The following MDGA2 variants were observed in gnomAD, a reference collection of about 807,000 sequenced individuals.
The protein encoded by MDGA2 is MAM domain containing glycosylphosphatidylinositol anchor 2.
Under a neutral mutation model 117.8 loss-of-function variants are expected in MDGA2, and 40 were observed. The ratio of observed to expected loss-of-function variants is 0.34; its 90% CI spans 0.26 to 0.44. The LOEUF (loss-of-function observed/expected upper bound fraction) is 0.44, where lower values mean the gene tolerates loss of function less well. MDGA2 is among the 20% of genes least tolerant of loss of function. MDGA2 has a pLI of 1.00. For synonymous variants in MDGA2, 452 were observed against 439.0 expected (o/e 1.03, Z -0.37); for missense variants, 1,123 against 1,250.6 (o/e 0.90, Z 1.54).
At chr14:47,059,239 T>C (rs979156785) in intron 7 of MDGA2, 31 of 1,005,626 alleles carry the variant, frequency 3.1e-5, no homozygotes, top group Non-Finnish European at 3.8e-5. Context: ...ATTATAGCAA[T>C]GAGTGATGCA....
chr14:47,609,841 G>C (rs905357066), intron 1 of MDGA2, among the ~76,000 whole-genome samples: 1 of 151,948 alleles, frequency 6.6e-6, no homozygotes, highest in African/African-American at 2.4e-5. Flanking sequence ...GACAGAGACA[G>C]AGGGAACCCT....
chr14:47,528,592 T>C (rs750723475), intron 1 of MDGA2, among the ~76,000 whole-genome samples: 1 of 152,182 alleles, frequency 6.6e-6, no homozygotes, highest in Non-Finnish European at 1.5e-5. Context: ...ACAAAAAGTA[T>C]AGACATATTA....
At chr14:47,508,450 G>C (rs2138687119) in intron 1 of MDGA2, among the ~76,000 whole-genome samples, 1 of 150,294 alleles carries the variant, frequency 6.7e-6, no homozygotes, top group Non-Finnish European at 1.5e-5. Context: ...AAACAGAAGG[G>C]AAAAAAGAAT....
At chr14:47,541,171 A>G (rs1257583464) in intron 1 of MDGA2, among the ~76,000 whole-genome samples, 1 of 152,180 alleles carries the variant, frequency 6.6e-6, no homozygotes, top group Non-Finnish European at 1.5e-5. Flanking sequence ...ATTATTTATG[A>G]TCTCTACTGA....
intron 1 of MDGA2, among the ~76,000 whole-genome samples, chr14:47,345,070 A>G (rs1044112772): frequency 3.3e-5 from 5 of 152,038 alleles, no homozygotes; most frequent in African/African-American, 1.2e-4. Flanking sequence ...TTTTTTTCTC[A>G]CATTTCTCTC....
At chr14:47,018,836 T>C (rs1888181548) in intron 8 of MDGA2, among the ~76,000 whole-genome samples, 1 of 126,556 alleles carries the variant, frequency 7.9e-6, no homozygotes, top group South Asian at 2.5e-4. Flanking sequence ...TCTATACCTA[T>C]TGATGCTGTT....
chr14:46,915,015 T>C (rs1292706433), intron 10 of MDGA2, among the ~76,000 whole-genome samples: 5 of 152,164 alleles, frequency 3.3e-5, no homozygotes, highest in African/African-American at 1.2e-4. Context: ...TATTTAAAAA[T>C]GTATATTGCT....
intron 2 of MDGA2, among the ~76,000 whole-genome samples, chr14:47,224,853 C>T: frequency 6.6e-6 from 1 of 152,042 alleles, no homozygotes; most frequent in East Asian, 1.9e-4. Flanking sequence ...ATCCTTTTGT[C>T]CTGCACTGAT....
chr14:47,048,236 T>G (rs1889333076), intron 7 of MDGA2, among the ~76,000 whole-genome samples: 1 of 152,098 alleles, frequency 6.6e-6, no homozygotes, highest in South Asian at 2.1e-4. Context: ...TATAAGGAAC[T>G]GTCTGATCAT....
intron 6 of MDGA2, among the ~76,000 whole-genome samples, chr14:47,062,180 A>AT (rs1015762712): frequency 4.6e-5 from 7 of 152,088 alleles, no homozygotes; most frequent in African/African-American, 1.7e-4. Flanking sequence ...TGTTCAAAAC[A>AT]TTTACTATGA....
chr14:47,015,838 C>G (rs1039303652), intron 8 of MDGA2, among the ~76,000 whole-genome samples: 1 of 151,728 alleles, frequency 6.6e-6, no homozygotes, highest in Non-Finnish European at 1.5e-5. Flanking sequence ...AAAATAAACC[C>G]CCAAAATGCA....
intron 2 of MDGA2, among the ~76,000 whole-genome samples, chr14:47,255,317 C>A (rs762801844): frequency 6.6e-6 from 1 of 152,128 alleles, no homozygotes; most frequent in Non-Finnish European, 1.5e-5. Flanking sequence ...AGACAAACAA[C>A]CCTCCAGGGA....
chr14:46,948,835 T>C (rs4391958), intron 9 of MDGA2, among the ~76,000 whole-genome samples: 18,272 of 151,946 alleles, frequency 0.12, 2,114 homozygotes, highest in African/African-American at 0.28. Context: ...GCCTCATTGG[T>C]TCCAGCCTAA....
At chr14:47,160,850 T>C (rs191759630) in intron 3 of MDGA2, among the ~76,000 whole-genome samples, 2 of 152,278 alleles carry the variant, frequency 1.3e-5, no homozygotes, top group African/African-American at 4.8e-5. Flanking sequence ...AATACTAACT[T>C]TAAAAGCAAA....
At chr14:47,272,923 C>T (rs1452781677) in intron 2 of MDGA2, among the ~76,000 whole-genome samples, 1 of 152,100 alleles carries the variant, frequency 6.6e-6, no homozygotes, top group East Asian at 1.9e-4. Flanking sequence ...TAAAAAAATA[C>T]AACTCCTTAG....
At chr14:47,386,402 AAC>A (rs1891761006) in intron 1 of MDGA2, among the ~76,000 whole-genome samples, 2 of 152,232 alleles carry the variant, frequency 1.3e-5, no homozygotes, top group Admixed American at 1.3e-4. Context: ...ACTGACTGAT[AAC>A]ACGTAGTTAA....
intron 7 of MDGA2, among the ~76,000 whole-genome samples, chr14:47,057,967 A>G (rs914289530): frequency 2.0e-5 from 3 of 152,124 alleles, no homozygotes; most frequent in Non-Finnish European, 2.9e-5. Flanking sequence ...AATATGAATA[A>G]TTCTGTAAAT....
At chr14:47,652,718 T>C (rs1330830021) in intron 1 of MDGA2, among the ~76,000 whole-genome samples, 1 of 152,154 alleles carries the variant, frequency 6.6e-6, no homozygotes, top group African/African-American at 2.4e-5. Context: ...TATAACTCTT[T>C]AGTAATTTTT....
chr14:47,065,455 G>T (rs1247242178), intron 6 of MDGA2, among the ~76,000 whole-genome samples: 9 of 152,122 alleles, frequency 5.9e-5, no homozygotes, highest in Admixed American at 3.3e-4. Context: ...ATGGTTCAAT[G>T]GAAGACTCCT....
Sources: allele counts gnomAD v4.1 joint callset (sites outside exome capture counted in the v4.1 genomes callset), GRCh38; gene constraint gnomAD v4.1.1; transcripts MANE v1.5; gene names NCBI Gene and HGNC (gene_info 2026-07-23, HGNC 2026-07-21).